NDRG4: variants seen among roughly 807,000 people sequenced by gnomAD.
NDRG4 encodes the protein NDRG family member 4, also known as protein NDRG4.
Under a neutral mutation model 55.8 loss-of-function variants are expected in NDRG4, and 38 were observed. The ratio of observed to expected loss-of-function variants is 0.68; its 90% CI spans 0.53 to 0.89. NDRG4 has a LOEUF of 0.89. NDRG4 is among the 40% of genes least tolerant of loss of function. NDRG4 has a pLI of 0.00. For synonymous variants in NDRG4, 190 were observed against 182.7 expected, an observed-to-expected ratio of 1.04 and a Z score of -0.32; for missense variants, 455 against 468.6, an observed-to-expected ratio of 0.97 and a Z score of 0.27.
intron 7 of NDRG4, 97 bp from the exon 8 acceptor site, chr16:58,506,815 C>T: frequency 1.5e-6 from 2 of 1,301,006 alleles, no homozygotes; most frequent in Non-Finnish European, 2.2e-6. Context: ...CTGAGTGGGG[C>T]AAGGGCCACT....
At chr16:58,469,909 G>A (rs765948618) in intron 1 of NDRG4, among the ~76,000 whole-genome samples, 39 of 152,372 alleles carry the variant, frequency 2.6e-4, no homozygotes, top group Non-Finnish European at 4.3e-4. Flanking sequence ...AGAGCACACA[G>A]ATGGTGAGTG....
chr16:58,496,553 G>C (rs898060445), upstream of NDRG4, among the ~76,000 whole-genome samples: 7 of 152,192 alleles, frequency 4.6e-5, no homozygotes, highest in East Asian at 1.2e-3. Context: ...GGCAGCCAGT[G>C]GGGGAGGTAG....
chr16:58,464,661 T>C lies in NDRG4; in HGVS notation c.-24+864T>C. The stretch of plus-strand genomic sequence containing the variant: ...AGGACTTGAGGTTGTGGCGAGTCCC[T>C]GGCGCTGGCGTCCGGGCTGCGGGAG... On this transcript the variant is annotated intron_variant, in intron 1 of 15. Coordinates refer to the NDRG4 transcript ENST00000258187. This position sits in a 1 kb window ranked among gnomAD's most constrained non-coding sequence, Gnocchi z 4.8. The C allele has an allele frequency of 2.0e-6, 2 of 1,013,478 alleles. No individual in the cohort carries two copies. The highest frequency in any genetic ancestry group is 1.3e-6 in the Non-Finnish European group (1 of 775,224). The allele number at this position is 1,013,478 out of a possible 1,614,324, so 62.8% of individuals were successfully genotyped here. A position where few individuals can be genotyped will look rare whatever the true frequency, so the allele number is the denominator to read the frequency against.
At chr16:58,493,725 C>A (rs556995635) in intron 2 of NDRG4, among the ~76,000 whole-genome samples, 2 of 152,350 alleles carry the variant, frequency 1.3e-5, no homozygotes, top group African/African-American at 4.8e-5. Flanking sequence ...CACAGCCTCG[C>A]AGAGCGGGGC....
chr16:58,463,836 G>C (rs1279709620), intron 1 of NDRG4: 5 of 152,852 alleles, frequency 3.3e-5, no homozygotes, highest in Non-Finnish European at 5.8e-5. Flanking sequence ...CCCAGGGCCA[G>C]CTTCTCTCGC....
chr16:58,507,098 A>C (rs1016545823), intron 8 of NDRG4, 83 bp downstream of exon 8: 2 of 1,074,374 alleles, frequency 1.9e-6, no homozygotes, highest in African/African-American at 3.1e-5. Context: ...AGGCAGGCAG[A>C]CAACACCCTT....
chr16:58,511,671 G>T lies in NDRG4; in HGVS notation c.*95G>T. The T allele has an allele frequency of 2.0e-6, 3 of 1,488,740 alleles. No homozygotes were observed. The highest frequency in any genetic ancestry group is 2.8e-6 in the Non-Finnish European group (3 of 1,068,772). The allele number at this position is 1,488,740 out of a possible 1,614,324, so 92.2% of individuals were successfully genotyped here. A position where few individuals can be genotyped will look rare whatever the true frequency, so the allele number is the denominator to read the frequency against. On this transcript the variant is annotated 3_prime_UTR_variant, in exon 15 of 15. Coordinates refer to ENST00000570248, the MANE Select transcript of NDRG4 (RefSeq NM_001242835.2). Reference sequence around the variant, plus strand: ...TTTAGTTTATTTTTGTGAGGGCAAAGGGGAGGAAATGGGGTTCTGTTTGAA... The same window carrying T: ...TTTAGTTTATTTTTGTGAGGGCAAATGGGAGGAAATGGGGTTCTGTTTGAA...
Position 58,464,480 on chromosome 16 carries a change from T to C in NDRG4, c.-24+683T>C. 7.6e-7 allele frequency: 1 copy of C among 1,315,374 alleles called. No homozygotes were observed. The allele number at this position is 1,315,374 out of a possible 1,614,324, so 81.5% of individuals were successfully genotyped here. ...GAGCTGCTCACAGGTACCGCCCGCCTGCCCCGCAGCCGGCCGCCACTTTCC... is the reference window on the plus strand; with the variant it reads ...GAGCTGCTCACAGGTACCGCCCGCCCGCCCCGCAGCCGGCCGCCACTTTCC... On this transcript the variant is annotated intron_variant, in intron 1 of 15. Coordinates refer to the NDRG4 transcript ENST00000258187. This position sits in a 1 kb window ranked among gnomAD's most constrained non-coding sequence, Gnocchi z 4.8.
intron 9 of NDRG4, 42 bp downstream of exon 9, chr16:58,507,906 C>T (rs1350804179): frequency 1.2e-6 from 2 of 1,613,850 alleles, no homozygotes; most frequent in Non-Finnish European, 1.7e-6. Context: ...GGCCTTTGCC[C>T]CCATGACCCA....
At chr16:58,503,161 A>C (rs1432012577) in intron 1 of NDRG4, among the ~76,000 whole-genome samples, 19 of 152,336 alleles carry the variant, frequency 1.2e-4, no homozygotes, top group Non-Finnish European at 2.9e-5. Flanking sequence ...AGAGGATCCC[A>C]GAGCAGGCTC....
intron 1 of NDRG4, among the ~76,000 whole-genome samples, chr16:58,467,590 G>A (rs1184443904): frequency 6.6e-6 from 1 of 152,194 alleles, no homozygotes; most frequent in Non-Finnish European, 1.5e-5. Context: ...TGAAGTCAGT[G>A]ACTTCCTCAT....
intron 13 of NDRG4, 82 bp from the exon 14 acceptor site, chr16:58,510,563 C>T (rs2038670160): frequency 1.1e-5 from 13 of 1,217,632 alleles, no homozygotes; most frequent in Non-Finnish European, 1.4e-5. Flanking sequence ...ATCTCAATGC[C>T]CTTGACTCAG....
chr16:58,509,212 C>T lies in NDRG4; in HGVS notation c.813+23C>T, dbSNP rs767259451. 5.0e-6 allele frequency: 8 copies of T among 1,613,882 alleles called. No individual in the cohort carries two copies. The Admixed American group carries it at 5.0e-5, about 10-fold the overall frequency. On this transcript the variant is annotated intron_variant, in intron 12 of 14. Transcript: ENST00000570248. ...CAGGTGAGACTTTTGGCCCTCCTGC[C>T]CTTACATCTATGGGGAGGGGGAAGC...
intron 14 of NDRG4, 157 bp downstream of exon 14, chr16:58,510,840 T>C: frequency 1.4e-6 from 1 of 721,104 alleles, no homozygotes; most frequent in Non-Finnish European, 2.3e-6. Flanking sequence ...TTCTTGCTTT[T>C]CTGCAGGCTT....
At chr16:58,468,998 C>T (rs1374964874) in intron 1 of NDRG4, among the ~76,000 whole-genome samples, 1 of 152,166 alleles carries the variant, frequency 6.6e-6, no homozygotes, top group African/African-American at 2.4e-5. Context: ...GAAATGGTCC[C>T]TGGGGAGCCT....
chr16:58,511,345 C>A, intron 14 of NDRG4, 77 bp from the exon 15 acceptor site: 1 of 1,478,224 alleles, frequency 6.8e-7, no homozygotes, highest in Non-Finnish European at 9.1e-7. Context: ...GGCCGCTTTG[C>A]TTGCAGCCTA....
chr16:58,505,577 T>C (rs1459761827), intron 5 of NDRG4, among the ~76,000 whole-genome samples: 1 of 151,984 alleles, frequency 6.6e-6, no homozygotes, highest in Non-Finnish European at 1.5e-5. Flanking sequence ...CTAGACAAGC[T>C]TGATGTGGTT....
chr16:58,495,521 G>A (rs567205961), upstream of NDRG4: 53 of 157,788 alleles, frequency 3.4e-4, no homozygotes, highest in East Asian at 2.0e-3. Context: ...TGGCCATCCC[G>A]ACATGCTGAA....
intron 1 of NDRG4, among the ~76,000 whole-genome samples, chr16:58,503,150 A>G (rs2037379682): frequency 6.6e-6 from 1 of 152,214 alleles, no homozygotes; most frequent in African/African-American, 2.4e-5. Context: ...GTGTGAACTC[A>G]AGAGGATCCC....
Sources: gnomAD v4.1 joint callset for allele counts (sites outside exome capture counted in the v4.1 genomes callset) on GRCh38, gnomAD v4.1.1 for gene constraint, Gnocchi (gnomAD v3.1) non-coding constraint, MANE v1.5 for transcripts, NCBI Gene and HGNC (gene_info 2026-07-23, HGNC 2026-07-21) for gene names.